The following MARK3 variants were observed in gnomAD, a reference collection of about 807,000 sequenced individuals.
MARK3 encodes the protein microtubule affinity regulating kinase 3, also known as MAP/microtubule affinity-regulating kinase 3.
In MARK3, 46 loss-of-function variants were observed where a neutral mutation model predicts 90.1. The observed-to-expected ratio is 0.51, with a 90% CI of 0.40 to 0.65. The LOEUF is 0.65. MARK3 is among the 30% of genes least tolerant of loss of function. The probability of loss-of-function intolerance (pLI) is 0.00; values close to 1 mark genes in which losing one functional copy is unlikely to be tolerated. For synonymous variants in MARK3, 321 were observed against 332.6 expected (o/e 0.97, Z 0.38); for missense variants, 818 against 947.2 (o/e 0.86, Z 1.79).
chr14:103,395,776 G>C (rs532822039), intron 1 of MARK3, among the ~76,000 whole-genome samples: 1 of 152,102 alleles, frequency 6.6e-6, no homozygotes. Context: ...TCAGAATTTT[G>C]TTTTCTGTCT....
intron 6 of MARK3, among the ~76,000 whole-genome samples, chr14:103,461,164 A>C (rs768781363): frequency 2.0e-5 from 3 of 152,200 alleles, no homozygotes; most frequent in Non-Finnish European, 4.4e-5. Context: ...CAGTAATTTT[A>C]TTATAACCTC....
At chr14:103,434,304 G>A (rs1204984256) in intron 3 of MARK3, among the ~76,000 whole-genome samples, 1 of 152,160 alleles carries the variant, frequency 6.6e-6, no homozygotes, top group African/African-American at 2.4e-5. Flanking sequence ...AACGAGAAGT[G>A]TCATGAACTG....
At chr14:103,469,612 C>T (rs1026998838) in intron 12 of MARK3, among the ~76,000 whole-genome samples, 5 of 152,042 alleles carry the variant, frequency 3.3e-5, no homozygotes, top group Non-Finnish European at 4.4e-5. Context: ...CACCACCACA[C>T]CTGGCCAATA....
intron 10 of MARK3, among the ~76,000 whole-genome samples, 199 bp from the exon 11 acceptor site, chr14:103,466,866 CGGTGGCTCATGCCT>C (rs1204939364): frequency 1.3e-5 from 2 of 151,666 alleles, no homozygotes; most frequent in Non-Finnish European, 2.9e-5. Context: ...TAGCCAGGCA[CGGTGGCTCATGCCT>C]GTAATCCCAG....
At chr14:103,412,418 T>C in intron 2 of MARK3, 1 of 585,580 alleles carries the variant, frequency 1.7e-6, no homozygotes, top group Non-Finnish European at 3.1e-6. Flanking sequence ...TGGGATTTGC[T>C]TTATCAGAGA....
chr14:103,428,035 A>G (rs997046248), intron 2 of MARK3, among the ~76,000 whole-genome samples: 1 of 152,166 alleles, frequency 6.6e-6, no homozygotes, highest in African/African-American at 2.4e-5. Flanking sequence ...CACTTCTGAC[A>G]TATTTCCCCC....
chr14:103,471,062 G>A (rs1391931860), intron 12 of MARK3, among the ~76,000 whole-genome samples: 4 of 152,100 alleles, frequency 2.6e-5, no homozygotes, highest in African/African-American at 4.8e-5. Context: ...TGTAGGTGAC[G>A]TGTTGATCTA....
chr14:103,450,921 CTTTTTTTTTTT>C (rs869030067), intron 4 of MARK3, among the ~76,000 whole-genome samples: 24 of 52,610 alleles, frequency 4.6e-4, no homozygotes, highest in Admixed American at 2.9e-4. Flanking sequence ...TGTGTGTATT[CTTTTTTTTTTT>C]TTTTTTTTTT....
At chr14:103,487,682 T>C (rs2093953626) in intron 14 of MARK3, among the ~76,000 whole-genome samples, 1 of 152,158 alleles carries the variant, frequency 6.6e-6, no homozygotes, top group Non-Finnish European at 1.5e-5. Context: ...AGGTAGAGTG[T>C]GTTGACCCTG....
intron 14 of MARK3, chr14:103,491,110 A>T (rs945204185): frequency 2.4e-6 from 3 of 1,253,454 alleles, no homozygotes; most frequent in Non-Finnish European, 1.0e-6. Flanking sequence ...AAGGCTATGT[A>T]AGAAAAATGC....
chr14:103,401,443 A>G (rs1006635946), intron 1 of MARK3, among the ~76,000 whole-genome samples: 1 of 152,162 alleles, frequency 6.6e-6, no homozygotes, highest in Non-Finnish European at 1.5e-5. Context: ...ATGATTTAAC[A>G]CAATAAAAAA....
At chr14:103,428,140 C>T (rs2092469885) in intron 2 of MARK3, among the ~76,000 whole-genome samples, 1 of 152,108 alleles carries the variant, frequency 6.6e-6, no homozygotes, top group African/African-American at 2.4e-5. Context: ...GATGATATTC[C>T]TGCCTATTAG....
chr14:103,490,895 G>C, intron 14 of MARK3: 3 of 1,161,696 alleles, frequency 2.6e-6, no homozygotes, highest in Non-Finnish European at 3.3e-6. Flanking sequence ...GTTGCTCTGT[G>C]GTCACTGCTC....
chr14:103,394,537 C>G (rs890234573), intron 1 of MARK3, among the ~76,000 whole-genome samples: 2 of 152,178 alleles, frequency 1.3e-5, no homozygotes, highest in African/African-American at 4.8e-5. Context: ...TTGTGTACTT[C>G]TGTGTGCACT....
intron 6 of MARK3, among the ~76,000 whole-genome samples, chr14:103,461,291 A>G (rs2093396079): frequency 6.6e-6 from 1 of 152,252 alleles, no homozygotes; most frequent in Non-Finnish European, 1.5e-5. Flanking sequence ...GTGGTAATGC[A>G]GGAATATATT....
At chr14:103,491,495 T>A (rs763903687) in intron 14 of MARK3, 1 of 345,774 alleles carries the variant, frequency 2.9e-6, no homozygotes, top group African/African-American at 2.1e-5. Context: ...GGGAAAAGTT[T>A]GAGTTAGCTG....
rs2091694640 is a variant in MARK3, at chr14:103,412,390, G to C, written c.243+7123G>C. 20 of 614,084 alleles carry C rather than the reference G, an allele frequency of 3.3e-5. No homozygotes were observed. The South Asian group carries it at 3.7e-4, about 11-fold the overall frequency. 38.0% of individuals were successfully genotyped at this position (614,084 alleles called of 1,614,324 possible). A position where few individuals can be genotyped will look rare whatever the true frequency, so the allele number is the denominator to read the frequency against. On this transcript the variant is annotated intron_variant, in intron 2 of 17. Transcript: ENST00000429436. Reference sequence around the variant, plus strand: ...AAGGGAACTTTACTGCCTTTGTTAGGCCTATGCCGAGGATTCGTGGGATTT... The same window carrying C: ...AAGGGAACTTTACTGCCTTTGTTAGCCCTATGCCGAGGATTCGTGGGATTT...
chr14:103,468,314 C>CTTA, intron 12 of MARK3, 128 bp downstream of exon 12: 4 of 113,828 alleles, frequency 3.5e-5, no homozygotes, highest in Non-Finnish European at 5.9e-5. Flanking sequence ...TTTCTTTCTT[C>CTTA]TTTTTTTTTT....
intron 3 of MARK3, among the ~76,000 whole-genome samples, chr14:103,446,615 G>C (rs146532972): frequency 6.6e-6 from 1 of 152,172 alleles, no homozygotes; most frequent in African/African-American, 2.4e-5. Context: ...GAAGTTGGCA[G>C]GTTGCAGGGA....
Sources: gnomAD v4.1 joint callset for allele counts (sites outside exome capture counted in the v4.1 genomes callset) on GRCh38, gnomAD v4.1.1 for gene constraint, MANE v1.5 for transcripts, NCBI Gene and HGNC (gene_info 2026-07-23, HGNC 2026-07-21) for gene names.